The following POM121C variants were observed in gnomAD, a reference collection of about 807,000 sequenced individuals.
The protein encoded by POM121C is POM121 transmembrane nucleoporin C.
Under a neutral mutation model 66.4 loss-of-function variants are expected in POM121C, and 20 were observed. That is an observed-to-expected ratio of 0.30 (90% CI 0.21 to 0.44). The LOEUF is 0.44. Among genes scored for constraint, POM121C ranks in the 20% least tolerant of loss-of-function variants. POM121C has a pLI of 1.00. For synonymous variants in POM121C, 286 were observed against 528.0 expected, an observed-to-expected ratio of 0.54 and a Z score of 6.28; for missense variants, 580 against 1,225.7, an observed-to-expected ratio of 0.47 and a Z score of 7.87.
intron 3 of POM121C, among the ~76,000 whole-genome samples, chr7:75,456,507 C>T (rs1791217134): frequency 6.6e-6 from 1 of 152,126 alleles, no homozygotes; most frequent in South Asian, 2.1e-4. Context: ...GAGAAGAGGG[C>T]CCCAGTGAAC....
At chr7:75,472,193 G>A (rs1485154262) in intron 3 of POM121C, among the ~76,000 whole-genome samples, 2 of 151,118 alleles carry the variant, frequency 1.3e-5, no homozygotes, top group Non-Finnish European at 2.9e-5. Context: ...GCCATGTTAC[G>A]TGTTTTTTTA....
chr7:75,486,022 A>G lies in POM121C; in HGVS notation c.-616T>C. ...CGGGCCGGGCCTACGGGGCAAATCCAGGCGGGTGTCCTTCTCGGGGCCCAG... is the reference window on the plus strand; with the variant it reads ...CGGGCCGGGCCTACGGGGCAAATCCGGGCGGGTGTCCTTCTCGGGGCCCAG... On this transcript the variant is annotated 5_prime_UTR_variant, in exon 1 of 15. Coordinates refer to ENST00000615331, the MANE Select transcript of POM121C (RefSeq NM_001099415.3). 2.1e-6 allele frequency: 1 copy of G among 467,054 alleles called. No homozygotes were observed. Among genetic ancestry groups the G allele is most frequent in the Non-Finnish European group, 4.2e-6 (1 of 236,188 alleles). The allele number at this position is 467,054 out of a possible 1,614,324, so 28.9% of individuals were successfully genotyped here.
chr7:75,440,258 C>T (rs1425004396), intron 5 of POM121C, among the ~76,000 whole-genome samples: 1 of 151,966 alleles, frequency 6.6e-6, no homozygotes, highest in African/African-American at 2.4e-5. Context: ...GCATTTCCTT[C>T]AGCACAATTA....
chr7:75,473,952 T>G (rs1332467640), intron 3 of POM121C, among the ~76,000 whole-genome samples: 1 of 152,240 alleles, frequency 6.6e-6, no homozygotes, highest in South Asian at 2.1e-4. Flanking sequence ...CCTCCTAAAG[T>G]GCTGGGATTA....
chr7:75,476,879 T>C (rs1267093767), intron 1 of POM121C, among the ~76,000 whole-genome samples: 1 of 151,932 alleles, frequency 6.6e-6, no homozygotes, highest in African/African-American at 2.4e-5. Flanking sequence ...TAAGCCACTA[T>C]AACACAGCAA....
chr7:75,427,990 A>C (rs1554471910), intron 7 of POM121C, among the ~76,000 whole-genome samples: 1 of 152,202 alleles, frequency 6.6e-6, no homozygotes, highest in Non-Finnish European at 1.5e-5. Flanking sequence ...CAATGGTTTA[A>C]AAAACATGGG....
At chr7:75,439,273 T>A in intron 5 of POM121C, 49 bp from the exon 6 acceptor site, 1 of 1,611,060 alleles carries the variant, frequency 6.2e-7, no homozygotes. Flanking sequence ...ACTTTGTTTG[T>A]CCCTTTAAAG....
rs587692985 is a variant in POM121C at position 75,442,826 on chromosome 7, C to T, written c.-151-1179G>A. The stretch of plus-strand genomic sequence containing the variant: ...CATGCGCGCGCGACTCGGGGAGACG[C>T]TACAGCCCGGCAGCTCCCGAGACAC... On this transcript the variant is annotated intron_variant, in intron 3 of 14. Coordinates refer to ENST00000615331, the MANE Select transcript of POM121C (RefSeq NM_001099415.3). The T allele has an allele frequency of 6.2e-4, 737 of 1,189,366 alleles. 3 individuals are homozygous for T. The highest frequency in any genetic ancestry group is 1.6e-4 in the Non-Finnish European group (149 of 940,856). 73.7% of individuals were successfully genotyped at this position (1,189,366 alleles called of 1,614,324 possible). A position where few individuals can be genotyped will look rare whatever the true frequency, so the allele number is the denominator to read the frequency against.
At chr7:75,458,007 G>A (rs376954129) in intron 3 of POM121C, among the ~76,000 whole-genome samples, 1,053 of 152,234 alleles carry the variant, frequency 6.9e-3, no homozygotes, top group African/African-American at 0.024. Flanking sequence ...TTTTATTTTC[G>A]CATTGAAAAT....
Position 75,465,809 on chromosome 7 carries a change from T to C in POM121C, c.-152+8895A>G, listed in dbSNP as rs782038059. The stretch of plus-strand genomic sequence containing the variant: ...AGCTACTCAGGATGAGGTGGGAGGA[T>C]TGCTTGAGCCCAGGAATTCAAGGCT... On this transcript the variant is annotated intron_variant, in intron 3 of 14. Transcript: ENST00000615331. Among the ~76,000 whole-genome samples, 20 of 139,794 alleles carry C rather than the reference T, an allele frequency of 1.4e-4. 1 individual carries two copies. The highest frequency in any genetic ancestry group is 2.6e-4 in the Non-Finnish European group (17 of 66,530). 91.7% of individuals were successfully genotyped at this position (139,794 alleles called of 152,430 possible).
In POM121C at chr7:75,440,945, G is replaced by A. The variant is rs374924417; in HGVS notation, c.227+9C>T. ...GGAAACTGGCTTAGTACTCTCCTGA[G>A]CCTGTTACCTTCTTTTATTTTCCTG... On this transcript the variant is annotated intron_variant, in intron 5 of 14. Transcript: ENST00000615331. 1.1e-5 allele frequency: 17 copies of A among 1,613,812 alleles called. No individual in the cohort carries two copies. Among genetic ancestry groups the A allele is most frequent in the Admixed American group, 1.7e-5 (1 of 59,996 alleles).
chr7:75,464,009 A>C (rs1162617949), intron 3 of POM121C, among the ~76,000 whole-genome samples: 2 of 144,704 alleles, frequency 1.4e-5, no homozygotes, highest in South Asian at 2.2e-4. Context: ...TTTCTTTTTA[A>C]TTTTACTTTT....
intron 3 of POM121C, among the ~76,000 whole-genome samples, chr7:75,465,525 C>T (rs1335144973): frequency 6.6e-5 from 10 of 150,436 alleles, no homozygotes; most frequent in South Asian, 2.2e-4. Context: ...GAGGCTGAGG[C>T]GGGTGGATCA....
At position 75,461,286 on chromosome 7, in the gene POM121C, A is replaced by G. The variant is rs587773410; in HGVS notation, c.-152+13418T>C. 4.3e-3 allele frequency among the ~76,000 whole-genome samples: 659 copies of G among 152,250 alleles called. 9 individuals carry two copies. The highest frequency in any genetic ancestry group is 0.015 in the African/African-American group (629 of 41,498). ...AAAACAGCAAAGAAAATCAGCAAAC[A>G]ATACAATAACTGAACACCATCATCG... On this transcript the variant is annotated intron_variant, in intron 3 of 14. Coordinates refer to ENST00000615331, the MANE Select transcript of POM121C (RefSeq NM_001099415.3).
intron 7 of POM121C, among the ~76,000 whole-genome samples, chr7:75,433,004 G>C (rs1471562440): frequency 6.6e-6 from 1 of 152,084 alleles, no homozygotes; most frequent in Non-Finnish European, 1.5e-5. Context: ...GGAGGCCAGG[G>C]CGGGTGGAAT....
At chr7:75,438,548 G>A (rs782802820) in intron 6 of POM121C, among the ~76,000 whole-genome samples, 3 of 152,156 alleles carry the variant, frequency 2.0e-5, no homozygotes, top group South Asian at 2.1e-4. Context: ...ATGAATTTCC[G>A]TTTGTGTACA....
intron 7 of POM121C, among the ~76,000 whole-genome samples, chr7:75,435,383 T>C (rs1386498871): frequency 6.6e-6 from 1 of 151,736 alleles, no homozygotes; most frequent in African/African-American, 2.4e-5. Context: ...CAAAGGATAA[T>C]CAAAAAATAA....
intron 3 of POM121C, among the ~76,000 whole-genome samples, chr7:75,456,108 G>A (rs1251222079): frequency 1.3e-5 from 2 of 152,182 alleles, no homozygotes; most frequent in African/African-American, 4.8e-5. Flanking sequence ...GCATGGTGGC[G>A]TGAACCTGTA....
At chr7:75,471,590 C>G (rs1489213898) in intron 3 of POM121C, among the ~76,000 whole-genome samples, 1 of 151,946 alleles carries the variant, frequency 6.6e-6, no homozygotes, top group African/African-American at 2.4e-5. Flanking sequence ...GACACGGCGC[C>G]GAGTTGAGCA....
Sources: gnomAD v4.1 joint callset for allele counts (sites outside exome capture counted in the v4.1 genomes callset) on GRCh38, gnomAD v4.1.1 for gene constraint, MANE v1.5 for transcripts, NCBI Gene and HGNC (gene_info 2026-07-23, HGNC 2026-07-21) for gene names.